LARS2: variants seen among roughly 807,000 people sequenced by gnomAD.
The protein encoded by LARS2 is leucyl-tRNA synthetase 2, mitochondrial, also known as leucine--tRNA ligase, mitochondrial.
A neutral mutation model predicts 116.6 loss-of-function variants in LARS2; 81 were observed. That is an observed-to-expected ratio of 0.69 (90% CI 0.58 to 0.84). The LOEUF (loss-of-function observed/expected upper bound fraction) is 0.84, where lower values mean the gene tolerates loss of function less well. Among genes scored for constraint, LARS2 ranks in the 40% least tolerant of loss-of-function variants. The pLI is 0.00. For missense variants in LARS2, 968 were observed against 1,114.5 expected, an observed-to-expected ratio of 0.87 and a Z score of 1.87; for synonymous variants, 396 against 407.2, an observed-to-expected ratio of 0.97 and a Z score of 0.33.
At chr3:45,412,958 A>G (rs575103457) in intron 4 of LARS2, among the ~76,000 whole-genome samples, 2 of 152,236 alleles carry the variant, frequency 1.3e-5, no homozygotes, top group Non-Finnish European at 2.9e-5. Context: ...TCCTGGTCCA[A>G]TCAGCTGTGG....
chr3:45,480,189 A>T (rs1337694529), intron 10 of LARS2, among the ~76,000 whole-genome samples: 2 of 152,042 alleles, frequency 1.3e-5, no homozygotes, highest in African/African-American at 4.8e-5. Flanking sequence ...GTGCTCAAAA[A>T]ATCTGGAATA....
intron 10 of LARS2, among the ~76,000 whole-genome samples, chr3:45,480,186 A>C (rs1255581457): frequency 2.6e-5 from 4 of 152,086 alleles, no homozygotes; most frequent in Admixed American, 2.0e-4. Context: ...TCTGTGCTCA[A>C]AAAATCTGGA....
intron 13 of LARS2, 74 bp downstream of exon 13, chr3:45,491,874 C>T: frequency 7.1e-7 from 1 of 1,405,102 alleles, no homozygotes; most frequent in South Asian, 1.3e-5. Flanking sequence ...ACAGCCTCCT[C>T]CCTCCTGGTG....
chr3:45,444,225 G>A (rs1056152856), intron 6 of LARS2, among the ~76,000 whole-genome samples: 3 of 146,898 alleles, frequency 2.0e-5, no homozygotes, highest in Non-Finnish European at 4.5e-5. Context: ...GTGTTAGCGA[G>A]GATGGTCTCA....
At chr3:45,436,346 C>CAA (rs573510833) in intron 6 of LARS2, among the ~76,000 whole-genome samples, 19 of 134,528 alleles carry the variant, frequency 1.4e-4, no homozygotes, top group African/African-American at 2.2e-4. Flanking sequence ...TTCTTTCTTT[C>CAA]AAAAAAAAAA....
chr3:45,502,357 A>G (rs1559490159), intron 15 of LARS2, among the ~76,000 whole-genome samples: 1 of 151,932 alleles, frequency 6.6e-6, no homozygotes, highest in South Asian at 2.1e-4. Context: ...TTTTTATGGC[A>G]TCTTTTGATG....
rs3085466 is a variant in LARS2, at chr3:45,533,141, C to CTTTTTTTTTTTTT, written c.2405-8673_2405-8661dup. Among the ~76,000 whole-genome samples, 4 of 51,000 alleles carry CTTTTTTTTTTTTT rather than the reference C, an allele frequency of 7.8e-5. 1 individual carries two copies. Among genetic ancestry groups the CTTTTTTTTTTTTT allele is most frequent in the African/African-American group, 1.4e-4 (2 of 14,096 alleles). The allele number at this position is 51,000 out of a possible 152,430, so 33.5% of individuals were successfully genotyped here. The stretch of plus-strand genomic sequence containing the variant: ...TTTAGCTTTGGTGGTCACATTAAGT[C>CTTTTTTTTTTTTT]TTTTTTTTTTTTTTTTTTTTTTTTT... On this transcript the variant is annotated intron_variant, in intron 20 of 21. Transcript: ENST00000645846.
At chr3:45,400,651 G>C (rs1389155997) in intron 4 of LARS2, among the ~76,000 whole-genome samples, 1 of 152,160 alleles carries the variant, frequency 6.6e-6, no homozygotes, top group African/African-American at 2.4e-5. Context: ...GGATAACACT[G>C]ATAATCTTCC....
At chr3:45,466,446 T>C (rs1450344260) in intron 8 of LARS2, among the ~76,000 whole-genome samples, 1 of 152,172 alleles carries the variant, frequency 6.6e-6, no homozygotes, top group African/African-American at 2.4e-5. Flanking sequence ...AGAAAACCCC[T>C]CATGCCTGCA....
chr3:45,460,910 C>A (rs931510604), intron 8 of LARS2, among the ~76,000 whole-genome samples: 3 of 152,090 alleles, frequency 2.0e-5, no homozygotes, highest in Non-Finnish European at 4.4e-5. Context: ...AAGGAACTTA[C>A]AGAACAAAAC....
At position 45,545,381 on chromosome 3, in the gene LARS2, G is replaced by A. The variant is rs956693565; in HGVS notation, c.2533-1970G>A. 2.6e-5 allele frequency among the ~76,000 whole-genome samples: 4 copies of A among 152,242 alleles called. No individual in the cohort carries two copies. The South Asian group carries it at 6.2e-4, about 24-fold the overall frequency. On this transcript the variant is annotated intron_variant, in intron 21 of 21. Transcript: ENST00000645846. ...TTAGGCCTTCTCCAAAGATGGAGGTGCAAGAGCCCCACAGCATAGCAGCCT... is the reference window on the plus strand; with the variant it reads ...TTAGGCCTTCTCCAAAGATGGAGGTACAAGAGCCCCACAGCATAGCAGCCT...
chr3:45,457,268 G>A (rs759077929), intron 7 of LARS2, among the ~76,000 whole-genome samples: 1 of 152,232 alleles, frequency 6.6e-6, no homozygotes, highest in Non-Finnish European at 1.5e-5. Context: ...GAAGATAAGG[G>A]TCCAAGGGAA....
Position 45,491,689 on chromosome 3 carries a change from C to A in LARS2, c.1412C>A (p.Pro471His). Residue 471 changes from proline (P) to histidine (H), a missense_variant, in exon 13 of 22, where the codon CCT becomes CAT. Physicochemically the swap from Pro to His is moderately conservative, Grantham distance 77. Coordinates refer to ENST00000645846, the MANE Select transcript of LARS2 (RefSeq NM_015340.4). Reference protein sequence around the residue: ...IVHCPVCGPTPVPLEDLPVTL... With the variant: ...IVHCPVCGPTHVPLEDLPVTL... ...CACTGCCCAGTCTGTGGCCCCACACCTGTGCCCCTGGAGGACTTGCCTGTG... is the reference window on the plus strand; with the variant it reads ...CACTGCCCAGTCTGTGGCCCCACACATGTGCCCCTGGAGGACTTGCCTGTG... The A allele has an allele frequency of 6.2e-7, 1 of 1,614,228 alleles. No individual in the cohort carries two copies. Among genetic ancestry groups the A allele is most frequent in the South Asian group, 1.1e-5 (1 of 91,078 alleles).
intron 7 of LARS2, among the ~76,000 whole-genome samples, chr3:45,453,026 G>A (rs544575078): frequency 7.2e-5 from 11 of 152,130 alleles, no homozygotes; most frequent in African/African-American, 2.4e-4. Context: ...TTCTTTTTCT[G>A]TCTGTGATTT....
chr3:45,444,362 A>G (rs1575258938), intron 6 of LARS2, among the ~76,000 whole-genome samples: 1 of 32 alleles, frequency 0.031, no homozygotes, highest in African/African-American at 0.083. Context: ...AACCTAGGGG[A>G]AAAAAAAAAA....
intron 7 of LARS2, among the ~76,000 whole-genome samples, chr3:45,450,390 C>T (rs910513222): frequency 7.2e-5 from 11 of 152,052 alleles, no homozygotes; most frequent in African/African-American, 1.4e-4. Context: ...TTTTATCCCC[C>T]GCTCTCTCCC....
At chr3:45,474,015 C>A (rs1416358760) in intron 8 of LARS2, among the ~76,000 whole-genome samples, 1 of 152,156 alleles carries the variant, frequency 6.6e-6, no homozygotes, top group African/African-American at 2.4e-5. Flanking sequence ...CCGTGACTCC[C>A]TTGGGACAGC....
At chr3:45,405,685 C>T (rs1193643627) in intron 4 of LARS2, among the ~76,000 whole-genome samples, 2 of 152,144 alleles carry the variant, frequency 1.3e-5, no homozygotes, top group Non-Finnish European at 2.9e-5. Flanking sequence ...TCAGGTTCAT[C>T]AATCAGGAAA....
chr3:45,471,614 TAGTC>T (rs1380122784), intron 8 of LARS2, among the ~76,000 whole-genome samples: 6 of 152,298 alleles, frequency 3.9e-5, no homozygotes, highest in Non-Finnish European at 7.3e-5. Context: ...GAATTGGACT[TAGTC>T]AGGGAGATTG....
Sources: allele counts gnomAD v4.1 joint callset (sites outside exome capture counted in the v4.1 genomes callset), GRCh38; gene constraint gnomAD v4.1.1; transcripts MANE v1.5; gene names NCBI Gene and HGNC (gene_info 2026-07-23, HGNC 2026-07-21).